Variants in BTG4 observed in about 807,000 individuals in gnomAD.
The protein encoded by BTG4 is protein BTG4.
A neutral mutation model predicts 19.3 loss-of-function variants in BTG4; 10 were observed. The observed-to-expected ratio is 0.52, with a 90% CI of 0.32 to 0.88. The LOEUF is 0.88. Ranked by LOEUF, BTG4 falls within the 40% of genes least tolerant of loss-of-function variation. BTG4 has a pLI of 0.04. For missense variants in BTG4, 238 were observed against 281.9 expected (o/e 0.84, Z 1.11); for synonymous variants, 91 against 95.7 (o/e 0.95, Z 0.29).
At chr11:111,513,411 C>T (rs535339816), upstream of BTG4, 10 of 534,290 alleles carry the variant, frequency 1.9e-5, no homozygotes, top group East Asian at 4.4e-4. Context: ...TGTTGGGGTA[C>T]CAACTTGAGA....
intron 5 of BTG4, chr11:111,475,432 GGTT>G (rs1240450135): frequency 1.3e-5 from 2 of 151,856 alleles, no homozygotes; most frequent in African/African-American, 4.8e-5. Flanking sequence ...ATCAGGCTAA[GGTT>G]GTCTATTACT....
At chr11:111,394,589 G>T in the BTG4 span, among the ~76,000 whole-genome samples, 1 of 152,090 alleles carries the variant, frequency 6.6e-6, no homozygotes, top group Non-Finnish European at 1.5e-5. Context: ...CCCAGTCTTG[G>T]GTATAGCTTC....
intron 5 of BTG4, among the ~76,000 whole-genome samples, chr11:111,485,896 GAGA>G (rs895671594): frequency 3.3e-5 from 5 of 152,140 alleles, no homozygotes; most frequent in Non-Finnish European, 7.4e-5. Context: ...GGAAAAAAGA[GAGA>G]AGAACCAAAC....
At chr11:111,420,823 T>A in the BTG4 span, among the ~76,000 whole-genome samples, 1 of 152,202 alleles carries the variant, frequency 6.6e-6, no homozygotes, top group African/African-American at 2.4e-5. Context: ...CTTACCCTCA[T>A]GAAGCTTACA....
At chr11:111,389,777 C>T in the BTG4 span, among the ~76,000 whole-genome samples, 35 of 152,108 alleles carry the variant, frequency 2.3e-4, no homozygotes, top group Non-Finnish European at 5.0e-4. Context: ...GGCATGAGTA[C>T]GTTTTTCTTT....
chr11:111,462,717 A>G (rs1565434755), downstream of BTG4: 1 of 152,400 alleles, frequency 6.6e-6, no homozygotes, highest in African/African-American at 2.4e-5. Flanking sequence ...GGTGCTAGGT[A>G]TGCAGAAGGT....
the BTG4 span, chr11:111,404,524 A>G: frequency 1.3e-5 from 6 of 452,866 alleles, no homozygotes; most frequent in South Asian, 9.4e-5. Flanking sequence ...GGGGCAGGGA[A>G]TCATCTGACA....
chr11:111,428,259 A>G, the BTG4 span, among the ~76,000 whole-genome samples: 1 of 152,172 alleles, frequency 6.6e-6, no homozygotes, highest in Non-Finnish European at 1.5e-5. Context: ...TGGAAGGGGA[A>G]GAGGAAGAAG....
chr11:111,386,649 A>G, the BTG4 span, among the ~76,000 whole-genome samples: 10 of 152,244 alleles, frequency 6.6e-5, no homozygotes, highest in African/African-American at 9.6e-5. Context: ...TCTCAAGGTT[A>G]AGAACCACTG....
intron 5 of BTG4, among the ~76,000 whole-genome samples, chr11:111,468,528 G>C (rs144848274): frequency 1.1e-3 from 170 of 152,320 alleles, no homozygotes; most frequent in African/African-American, 4.0e-3. Context: ...CTATGCAGCT[G>C]CCACTCACAG....
chr11:111,454,873 G>A, the BTG4 span: 1 of 414,100 alleles, frequency 2.4e-6, no homozygotes, highest in Non-Finnish European at 4.9e-6. Flanking sequence ...TCCAGCTGTT[G>A]GCAGCAGGGG....
At chr11:111,435,114 G>T in the BTG4 span, 1 of 152,236 alleles carries the variant, frequency 6.6e-6, no homozygotes, top group African/African-American at 2.4e-5. Context: ...TGCCCTGGAG[G>T]ATCTAAAATC....
At chr11:111,493,267 T>C (rs1279792385), downstream of BTG4, among the ~76,000 whole-genome samples, 2 of 152,182 alleles carry the variant, frequency 1.3e-5, no homozygotes, top group Non-Finnish European at 2.9e-5. Context: ...AATTTCCTGA[T>C]TGAAACATTT....
intron 5 of BTG4, among the ~76,000 whole-genome samples, chr11:111,470,511 T>A (rs552253340): frequency 3.9e-5 from 6 of 152,340 alleles, no homozygotes; most frequent in African/African-American, 1.4e-4. Context: ...GAATCCCATC[T>A]GTAAAACTGT....
chr11:111,396,305 C>T, the BTG4 span, among the ~76,000 whole-genome samples: 2 of 152,178 alleles, frequency 1.3e-5, no homozygotes, highest in Non-Finnish European at 2.9e-5. Context: ...CCGTGATTTC[C>T]AGGGTGACCA....
At chr11:111,411,715 C>G in the BTG4 span, among the ~76,000 whole-genome samples, 2 of 152,198 alleles carry the variant, frequency 1.3e-5, no homozygotes, top group African/African-American at 4.8e-5. Context: ...ATGGATCACA[C>G]TTTAAGAATA....
At chr11:111,442,162 A>AATAAAAATTGGG in the BTG4 span, among the ~76,000 whole-genome samples, 1 of 152,154 alleles carries the variant, frequency 6.6e-6, no homozygotes, top group East Asian at 1.9e-4. Context: ...AAAAGGAACC[A>AATAAAAATTGGG]GAACTCCTTG....
At chr11:111,451,952 G>C in the BTG4 span, among the ~76,000 whole-genome samples, 1 of 152,136 alleles carries the variant, frequency 6.6e-6, no homozygotes, top group Non-Finnish European at 1.5e-5. Context: ...GGGAACACAA[G>C]TATGTATTCA....
chr11:111,464,580 C>T (rs1276727631), downstream of BTG4: 2 of 152,246 alleles, frequency 1.3e-5, no homozygotes, highest in Non-Finnish European at 2.9e-5. Context: ...ATCATCTGGA[C>T]TTCACCATTC....
Sources: allele counts gnomAD v4.1 joint callset (sites outside exome capture counted in the v4.1 genomes callset), GRCh38; gene constraint gnomAD v4.1.1; transcripts MANE v1.5; gene names NCBI Gene and HGNC (gene_info 2026-07-23, HGNC 2026-07-21).